Variants in SMURF2 observed in about 807,000 individuals in gnomAD.
The protein encoded by SMURF2 is E3 ubiquitin-protein ligase SMURF2.
Under a neutral mutation model 109.6 loss-of-function variants are expected in SMURF2, and 48 were observed. That is an observed-to-expected ratio of 0.44 (90% CI 0.35 to 0.56). SMURF2 has a LOEUF of 0.56. Ranked by LOEUF, SMURF2 falls within the 20% of genes least tolerant of loss-of-function variation. The pLI, the probability that SMURF2 is intolerant of heterozygous loss-of-function variation, is 0.01. For synonymous variants in SMURF2, 288 were observed against 317.1 expected (o/e 0.91, Z 0.97); for missense variants, 575 against 909.0 (o/e 0.63, Z 4.72).
At position 64,556,009 on chromosome 17, in the gene SMURF2, A is replaced by G. The variant is rs782270035; in HGVS notation, c.1432-11T>C. The G allele has an allele frequency of 6.2e-6, 10 of 1,603,728 alleles. No homozygotes were observed. Among genetic ancestry groups the G allele is most frequent in the Non-Finnish European group, 8.5e-6 (10 of 1,172,912 alleles). On this transcript the variant is annotated splice_polypyrimidine_tract_variant and intron_variant, in intron 13 of 18. Coordinates refer to ENST00000262435, the MANE Select transcript of SMURF2 (RefSeq NM_022739.4). ...ATAGGATAAATGTTCCTGAAATTGA[A>G]AACAGTATATATACTCGTTAGGCAC...
intron 16 of SMURF2, among the ~76,000 whole-genome samples, chr17:64,550,782 G>C (rs1555683541): frequency 6.9e-6 from 1 of 144,624 alleles, no homozygotes; most frequent in African/African-American, 2.5e-5. Context: ...AAAAAAGAGA[G>C]AGACATTTAG....
At chr17:64,593,138 C>T (rs1217709684) in intron 4 of SMURF2, 1 of 158,366 alleles carries the variant, frequency 6.3e-6, no homozygotes, top group Non-Finnish European at 1.4e-5. Context: ...TTTCTTAATA[C>T]TTTTAAATTA....
At chr17:64,622,648 T>C (rs1401455590) in intron 1 of SMURF2, among the ~76,000 whole-genome samples, 1 of 152,186 alleles carries the variant, frequency 6.6e-6, no homozygotes, top group African/African-American at 2.4e-5. Flanking sequence ...AAAGGTACCA[T>C]TCTCATAACA....
At chr17:64,596,905 A>G (rs1969826647) in intron 3 of SMURF2, among the ~76,000 whole-genome samples, 1 of 152,254 alleles carries the variant, frequency 6.6e-6, no homozygotes, top group African/African-American at 2.4e-5. Context: ...AAAAGTAGCT[A>G]CTAACTTCAG....
chr17:64,573,151 AGGAGGAG>A (rs1969427046), intron 9 of SMURF2: 1 of 33,192 alleles, frequency 3.0e-5, no homozygotes, highest in Non-Finnish European at 4.9e-5. Context: ...GAGGAGGAGG[AGGAGGAG>A]GAGGGGGAGG....
At chr17:64,569,955 A>C (rs1414801253) in intron 10 of SMURF2, among the ~76,000 whole-genome samples, 1 of 152,198 alleles carries the variant, frequency 6.6e-6, no homozygotes, top group East Asian at 1.9e-4. Context: ...TTCTTCAGAT[A>C]CTTTTACATT....
chr17:64,631,849 G>A (rs1970351986), intron 1 of SMURF2, among the ~76,000 whole-genome samples: 1 of 150,076 alleles, frequency 6.7e-6, no homozygotes, highest in African/African-American at 2.5e-5. Context: ...TTAAACACCA[G>A]ACAGGATCAG....
At chr17:64,605,137 T>A (rs540137987) in intron 2 of SMURF2, among the ~76,000 whole-genome samples, 6 of 151,578 alleles carry the variant, frequency 4.0e-5, no homozygotes, top group Non-Finnish European at 7.4e-5. Context: ...CTGAGACAGA[T>A]AACAGTGATT....
chr17:64,571,560 C>T (rs1440782561), intron 10 of SMURF2, among the ~76,000 whole-genome samples: 3 of 152,018 alleles, frequency 2.0e-5, no homozygotes, highest in African/African-American at 7.3e-5. Context: ...CATACACCAC[C>T]ACACCCAGCT....
At chr17:64,557,146 G>C (rs1306488995) in intron 13 of SMURF2, among the ~76,000 whole-genome samples, 1 of 152,190 alleles carries the variant, frequency 6.6e-6, no homozygotes, top group Non-Finnish European at 1.5e-5. Flanking sequence ...ACTGTGCTAA[G>C]TGCTTAATGT....
intron 1 of SMURF2, among the ~76,000 whole-genome samples, chr17:64,636,910 C>T (rs1179234197): frequency 6.6e-6 from 1 of 151,922 alleles, no homozygotes; most frequent in African/African-American, 2.4e-5. Context: ...CTTTTGGACA[C>T]AAACGTTTTT....
intron 1 of SMURF2, among the ~76,000 whole-genome samples, chr17:64,657,206 G>A (rs1970716760): frequency 6.6e-6 from 1 of 152,190 alleles, no homozygotes. Context: ...ATAGAGGACA[G>A]TTCAACTCAG....
Position 64,544,491 on chromosome 17 carries a change from C to T in SMURF2, c.*1357G>A, listed in dbSNP as rs1394597943. ...ATTTTTGATGGTTGAATTTAAAAAT[C>T]CAACTGTGATTTCAGATTTTTTCAA... On this transcript the variant is annotated 3_prime_UTR_variant, in exon 19 of 19. Transcript: ENST00000262435. 2 of 152,090 alleles carry T rather than the reference C, an allele frequency of 1.3e-5. No homozygotes were observed. Among genetic ancestry groups the T allele is most frequent in the African/African-American group, 4.8e-5 (2 of 41,412 alleles). The allele number at this position is 152,090 out of a possible 1,614,324, so 9.4% of individuals were successfully genotyped here. A position where few individuals can be genotyped will look rare whatever the true frequency, so the allele number is the denominator to read the frequency against.
chr17:64,587,324 CGAAGAAGGAA>C (rs1424676269), intron 5 of SMURF2, among the ~76,000 whole-genome samples: 1 of 152,086 alleles, frequency 6.6e-6, no homozygotes, highest in Non-Finnish European at 1.5e-5. Context: ...CCACAAAGAA[CGAAGAAGGAA>C]GAGATGTGAA....
intron 5 of SMURF2, among the ~76,000 whole-genome samples, chr17:64,590,242 A>G (rs1268825290): frequency 2.0e-5 from 3 of 150,908 alleles, no homozygotes; most frequent in Non-Finnish European, 4.4e-5. Context: ...CCTGGGTTCA[A>G]GCGATTCTCC....
intron 1 of SMURF2, among the ~76,000 whole-genome samples, chr17:64,611,637 C>T (rs1367097125): frequency 5.3e-5 from 8 of 152,110 alleles, no homozygotes; most frequent in East Asian, 3.8e-4. Context: ...TCTCTATTAC[C>T]GATGCCAACA....
chr17:64,614,597 A>G (rs904932295), intron 1 of SMURF2, among the ~76,000 whole-genome samples: 5 of 152,202 alleles, frequency 3.3e-5, no homozygotes, highest in Non-Finnish European at 7.3e-5. Flanking sequence ...TTTCAGACAG[A>G]TGGTTTGAAA....
rs955192781 is a variant in SMURF2, at chr17:64,545,245, T to G, written c.*603A>C. 6.6e-6 allele frequency: 1 copy of G among 152,578 alleles called. No individual in the cohort carries two copies. Among genetic ancestry groups the G allele is most frequent in the Non-Finnish European group, 1.5e-5 (1 of 68,024 alleles). 9.5% of individuals were successfully genotyped at this position (152,578 alleles called of 1,614,324 possible). On this transcript the variant is annotated 3_prime_UTR_variant, in exon 19 of 19. Transcript: ENST00000262435. Reference sequence around the variant, plus strand: ...AAATGTAAAAAAGACCCACTTAGACTAGGTTGAAACATATAATGCAAAATA... The same window carrying G: ...AAATGTAAAAAAGACCCACTTAGACGAGGTTGAAACATATAATGCAAAATA...
intron 11 of SMURF2, 31 bp from the exon 12 acceptor site, chr17:64,561,634 C>T: frequency 6.8e-7 from 1 of 1,479,388 alleles, no homozygotes; most frequent in Non-Finnish European, 9.3e-7. Context: ...TACCCTATTA[C>T]TATTAGGTCC....
Sources: allele counts gnomAD v4.1 joint callset (sites outside exome capture counted in the v4.1 genomes callset), GRCh38; gene constraint gnomAD v4.1.1; transcripts MANE v1.5; gene names NCBI Gene and HGNC (gene_info 2026-07-23, HGNC 2026-07-21).